PRKN: variants seen among roughly 807,000 people sequenced by gnomAD.
The protein encoded by PRKN is parkin RBR E3 ubiquitin protein ligase.
PRKN carries 56 observed loss-of-function variants against 59.5 expected under a neutral mutation model. The observed-to-expected ratio is 0.94, with a 90% CI of 0.76 to 1.18. The LOEUF is 1.18. Among genes scored for constraint, PRKN ranks in the 50% most tolerant of loss-of-function variants. The pLI, the probability that PRKN is intolerant of heterozygous loss-of-function variation, is 0.00. For synonymous variants in PRKN, 250 were observed against 222.1 expected (o/e 1.13, Z -1.12); for missense variants, 657 against 596.4 (o/e 1.10, Z -1.06).
chr6:161,481,525 A>T (rs1470178370), intron 9 of PRKN, among the ~76,000 whole-genome samples: 1 of 152,156 alleles, frequency 6.6e-6, no homozygotes, highest in Non-Finnish European at 1.5e-5. Context: ...GATTGTTTGA[A>T]CCTGGGAGGT....
intron 6 of PRKN, among the ~76,000 whole-genome samples, chr6:161,902,499 G>A (rs898903733): frequency 1.3e-5 from 2 of 150,090 alleles, no homozygotes; most frequent in African/African-American, 2.5e-5. Flanking sequence ...TCACTGGTGT[G>A]TGTGTGTAAA....
intron 1 of PRKN, among the ~76,000 whole-genome samples, chr6:162,484,338 G>T (rs950745385): frequency 4.6e-5 from 7 of 152,104 alleles, no homozygotes; most frequent in Non-Finnish European, 1.0e-4. Context: ...ACCTCTTCAG[G>T]AATGGTGGTA....
At position 161,902,556 on chromosome 6, in the gene PRKN, A is replaced by ATCTATTTTTTTTTTTTTTTTTTTTTTT. The variant is rs1382089937; in HGVS notation, c.734+70745_734+70746insAAAAAAAAAAAAAAAAAAAAAAATAGA. Among the ~76,000 whole-genome samples the ATCTATTTTTTTTTTTTTTTTTTTTTTT allele has an allele frequency of 1.7e-5, 2 of 118,202 alleles. 1 individual carries two copies. The highest frequency in any genetic ancestry group is 5.5e-4 in the South Asian group (2 of 3,646). The allele number at this position is 118,202 out of a possible 152,430, so 77.5% of individuals were successfully genotyped here. A position where few individuals can be genotyped will look rare whatever the true frequency, so the allele number is the denominator to read the frequency against. On this transcript the variant is annotated intron_variant, in intron 6 of 11. Coordinates refer to ENST00000366898, the MANE Select transcript of PRKN (RefSeq NM_004562.3). ...TATCTATCTATCTATCTATTTATTT[A>ATCTATTTTTTTTTTTTTTTTTTTTTTT]TTTATTTATTTTTTTTTTTTTGCGA...
intron 1 of PRKN, among the ~76,000 whole-genome samples, chr6:162,646,055 T>C (rs959421249): frequency 1.3e-5 from 2 of 151,688 alleles, no homozygotes; most frequent in Admixed American, 6.6e-5. Flanking sequence ...TTTGTATTTT[T>C]AGTAGAGACG....
At chr6:161,749,146 A>C (rs1454253468) in intron 7 of PRKN, among the ~76,000 whole-genome samples, 1 of 152,068 alleles carries the variant, frequency 6.6e-6, no homozygotes, top group Non-Finnish European at 1.5e-5. Flanking sequence ...TGTGTTGCTA[A>C]CCCCCTCCGG....
intron 6 of PRKN, among the ~76,000 whole-genome samples, chr6:161,854,046 A>C: frequency 6.6e-6 from 1 of 150,954 alleles, no homozygotes; most frequent in East Asian, 2.0e-4. Context: ...AGGAGTTCGA[A>C]ACCAGCCTGG....
chr6:161,350,893 AT>A (rs1205438565), intron 11 of PRKN, among the ~76,000 whole-genome samples: 1 of 94,396 alleles, frequency 1.1e-5, no homozygotes, highest in African/African-American at 4.6e-5. Flanking sequence ...TATATTTAAA[AT>A]ATATATAAAT....
At chr6:162,511,089 T>C (rs542185105) in intron 1 of PRKN, among the ~76,000 whole-genome samples, 3 of 152,288 alleles carry the variant, frequency 2.0e-5, no homozygotes, top group East Asian at 1.9e-4. Flanking sequence ...CCACTAATAT[T>C]TTTTCATGAT....
intron 2 of PRKN, among the ~76,000 whole-genome samples, chr6:162,379,170 T>C (rs977828519): frequency 6.6e-6 from 1 of 152,108 alleles, no homozygotes; most frequent in Non-Finnish European, 1.5e-5. Context: ...AAAGTTTTGC[T>C]TGACCACATG....
intron 9 of PRKN, among the ~76,000 whole-genome samples, chr6:161,465,046 G>T (rs1790397218): frequency 6.6e-6 from 1 of 152,222 alleles, no homozygotes; most frequent in African/African-American, 2.4e-5. Context: ...AGCTGCAGAG[G>T]TTAGAAAGCC....
intron 4 of PRKN, among the ~76,000 whole-genome samples, chr6:162,148,641 G>GA (rs886434849): frequency 2.0e-5 from 3 of 151,962 alleles, no homozygotes; most frequent in African/African-American, 7.2e-5. Flanking sequence ...TTAAAATGTG[G>GA]AAAAAAGCCT....
intron 2 of PRKN, among the ~76,000 whole-genome samples, chr6:162,352,747 T>C (rs1388420038): frequency 2.0e-5 from 3 of 152,194 alleles, no homozygotes; most frequent in African/African-American, 4.8e-5. Context: ...TGCTTAGTAA[T>C]GGAAGCATCG....
intron 2 of PRKN, among the ~76,000 whole-genome samples, chr6:162,403,604 AAC>A (rs1178385617): frequency 6.6e-6 from 1 of 152,058 alleles, no homozygotes; most frequent in African/African-American, 2.4e-5. Flanking sequence ...CCACACCTAA[AAC>A]ACAGCCTGAC....
chr6:161,703,830 T>C, intron 7 of PRKN, among the ~76,000 whole-genome samples: 1 of 126,824 alleles, frequency 7.9e-6, no homozygotes, highest in Non-Finnish European at 1.6e-5. Context: ...TCTCTCTCTC[T>C]CTCTCTCTCT....
chr6:162,349,547 G>T (rs112279940), intron 2 of PRKN, among the ~76,000 whole-genome samples: 1,646 of 152,196 alleles, frequency 0.011, 30 homozygotes, highest in African/African-American at 0.037. Context: ...ACCAAAACCA[G>T]ATAAAATATT....
chr6:161,850,294 A>G (rs1269747198), intron 6 of PRKN, among the ~76,000 whole-genome samples: 2 of 152,184 alleles, frequency 1.3e-5, no homozygotes, highest in East Asian at 1.9e-4. Context: ...AAACAATTCT[A>G]TGAAGCCAGG....
intron 9 of PRKN, among the ~76,000 whole-genome samples, chr6:161,492,764 A>C (rs1488817110): frequency 6.6e-6 from 1 of 152,188 alleles, no homozygotes; most frequent in Non-Finnish European, 1.5e-5. Flanking sequence ...GAGAGAAAGA[A>C]TATAATTTCA....
chr6:161,939,221 C>A (rs1324617848), intron 6 of PRKN, among the ~76,000 whole-genome samples: 1 of 151,466 alleles, frequency 6.6e-6, no homozygotes, highest in Non-Finnish European at 1.5e-5. Context: ...AATTCCAGAC[C>A]AGCATGGCCA....
chr6:161,980,610 A>G (rs1356031140), intron 5 of PRKN, among the ~76,000 whole-genome samples: 1 of 152,250 alleles, frequency 6.6e-6, no homozygotes, highest in African/African-American at 2.4e-5. Flanking sequence ...TGGAGTCACC[A>G]CAGCTCTGCA....
Sources: allele counts gnomAD v4.1 joint callset (sites outside exome capture counted in the v4.1 genomes callset), GRCh38; gene constraint gnomAD v4.1.1; transcripts MANE v1.5; gene names NCBI Gene and HGNC (gene_info 2026-07-23, HGNC 2026-07-21).